ERI1: variants seen among roughly 807,000 people sequenced by gnomAD.
ERI1 encodes the protein exoribonuclease 1, also known as 3'-5' exoribonuclease 1.
In ERI1, 39 loss-of-function variants were observed where a neutral mutation model predicts 39.7. The ratio of observed to expected loss-of-function variants is 0.98; its 90% CI spans 0.76 to 1.28. The LOEUF is 1.28. ERI1 is among the 50% of genes most tolerant of loss of function. The pLI, the probability that ERI1 is intolerant of heterozygous loss-of-function variation, is 0.00. For synonymous variants in ERI1, 204 were observed against 149.6 expected (o/e 1.36, Z -2.65); for missense variants, 581 against 416.9 (o/e 1.39, Z -3.43).
chr8:9,057,842 T>C (rs1798559291), intron 3 of ERI1, among the ~76,000 whole-genome samples: 1 of 152,130 alleles, frequency 6.6e-6, no homozygotes. Flanking sequence ...CCTTGGGAGC[T>C]GCCTGGGGAC....
chr8:9,076,367 A>G (rs7841581), intron 3 of ERI1, among the ~76,000 whole-genome samples: 7,604 of 152,290 alleles, frequency 0.05, 579 homozygotes, highest in African/African-American at 0.16. Flanking sequence ...AATTCCCTAA[A>G]GGAAAGATAT....
intron 6 of ERI1, among the ~76,000 whole-genome samples, chr8:9,021,357 G>T (rs111844097): frequency 2.2e-4 from 34 of 152,154 alleles, no homozygotes; most frequent in Middle Eastern, 3.4e-3. Context: ...AGTTCTTCAG[G>T]CTTCTTTTAA....
At chr8:9,052,662 A>G (rs577696427) in intron 3 of ERI1, among the ~76,000 whole-genome samples, 3 of 152,364 alleles carry the variant, frequency 2.0e-5, no homozygotes, top group South Asian at 2.1e-4. Flanking sequence ...GGAAACTGCA[A>G]TCAAGAGATT....
intron 3 of ERI1, among the ~76,000 whole-genome samples, chr8:9,041,133 G>A (rs1296273495): frequency 6.6e-6 from 1 of 152,228 alleles, no homozygotes; most frequent in Non-Finnish European, 1.5e-5. Flanking sequence ...GGAACAATGA[G>A]CATGACTTTT....
At chr8:9,045,234 T>TGAA (rs1798139290) in intron 3 of ERI1, among the ~76,000 whole-genome samples, 1 of 28,556 alleles carries the variant, frequency 3.5e-5, no homozygotes. Context: ...AGACTCTGTC[T>TGAA]CAAAAAAAAA....
At chr8:9,035,532 A>C (rs118146527), downstream of ERI1, among the ~76,000 whole-genome samples, 1 of 152,160 alleles carries the variant, frequency 6.6e-6, no homozygotes, top group Non-Finnish European at 1.5e-5. Context: ...TGAATATTTG[A>C]AGCCTGCTGT....
chr8:9,027,822 T>C (rs979852194), intron 6 of ERI1, among the ~76,000 whole-genome samples: 3 of 152,210 alleles, frequency 2.0e-5, no homozygotes, highest in South Asian at 4.1e-4. Context: ...TCTATACTAA[T>C]ACCACTCTCT....
intron 3 of ERI1, among the ~76,000 whole-genome samples, chr8:9,088,230 G>A (rs941136949): frequency 6.6e-6 from 1 of 150,952 alleles, no homozygotes; most frequent in African/African-American, 2.4e-5. Flanking sequence ...TTTAACACCA[G>A]TGCATGCATT....
chr8:9,088,127 A>C (rs1799586916), intron 3 of ERI1, among the ~76,000 whole-genome samples: 1 of 152,142 alleles, frequency 6.6e-6, no homozygotes, highest in Non-Finnish European at 1.5e-5. Flanking sequence ...AGGAGACAAA[A>C]TCAGCAGGGT....
rs187845957 is a variant in ERI1 at position 9,049,966 on chromosome 8, T to C, written n.299+29502T>C. ...TCCTCCCTCTGTTGATTCATTTGGC[T>C]AGGATGAGTTCTAGACCTGAACACG... is the stretch of plus-strand genomic sequence containing the variant. On this transcript the variant is annotated intron_variant and non_coding_transcript_variant, in intron 3 of 3. Transcript: ENST00000518663. 657 of 152,276 alleles carry C rather than the reference T, an allele frequency of 4.3e-3. 2 individuals are homozygous for C. Among genetic ancestry groups the C allele is most frequent in the Non-Finnish European group, 7.5e-3 (509 of 68,042 alleles). The allele number at this position is 152,276 out of a possible 1,614,324, so 9.4% of individuals were successfully genotyped here. A position where few individuals can be genotyped will look rare whatever the true frequency, so the allele number is the denominator to read the frequency against.
In ERI1 at chr8:9,023,333, C is replaced by T. The variant is rs759867230; in HGVS notation, c.807+2869C>T. Among the ~76,000 whole-genome samples, 165 of 152,036 alleles carry T rather than the reference C, an allele frequency of 1.1e-3. 1 individual carries two copies. The highest frequency in any genetic ancestry group is 2.2e-3 in the Non-Finnish European group (149 of 68,022). ...TTGTATTTCATGTCAGTTTATACTC[C>T]AGTTGAGAAGCTCGATCCCCTTTAG... On this transcript the variant is annotated intron_variant, in intron 6 of 6. Transcript: ENST00000250263.
chr8:9,009,760 G>A (rs1255013954), intron 2 of ERI1, among the ~76,000 whole-genome samples: 1 of 152,080 alleles, frequency 6.6e-6, no homozygotes, highest in East Asian at 1.9e-4. Context: ...GGCTGGTCTC[G>A]AGCTCCAGCT....
At chr8:9,049,544 TTAAAA>T (rs1400845707) in intron 3 of ERI1, among the ~76,000 whole-genome samples, 1 of 118,756 alleles carries the variant, frequency 8.4e-6, no homozygotes, top group African/African-American at 2.5e-5. Flanking sequence ...AATTTTGACT[TTAAAA>T]AAAAAAGCAT....
At position 9,089,452 on chromosome 8, in the gene ERI1, G is replaced by C. The variant is rs141553521; in HGVS notation, n.300-26896G>C. The stretch of plus-strand genomic sequence containing the variant: ...CTTAAGATTCTTCTTCCTTTTCTGA[G>C]AATGACTTGGACACAAGGGTTTGCA... On this transcript the variant is annotated intron_variant and non_coding_transcript_variant, in intron 3 of 3. Transcript: ENST00000518663. 5.3e-4 allele frequency among the ~76,000 whole-genome samples: 80 copies of C among 152,198 alleles called. No individual in the cohort carries two copies. In the East Asian group the frequency reaches 0.011, roughly 21 times the overall value.
chr8:9,010,218 G>A (rs1007837642), intron 2 of ERI1, among the ~76,000 whole-genome samples: 22 of 152,194 alleles, frequency 1.4e-4, no homozygotes, highest in African/African-American at 5.3e-4. Flanking sequence ...TCTATCCAGA[G>A]CAACTAGTTG....
At chr8:9,017,836 A>G (rs774709249) in intron 4 of ERI1, among the ~76,000 whole-genome samples, 1 of 152,176 alleles carries the variant, frequency 6.6e-6, no homozygotes, top group Non-Finnish European at 1.5e-5. Context: ...TGGTTGGAGG[A>G]TTTAAGTATG....
intron 3 of ERI1, among the ~76,000 whole-genome samples, chr8:9,059,690 C>T (rs1345413710): frequency 2.6e-5 from 4 of 152,102 alleles, no homozygotes; most frequent in Non-Finnish European, 4.4e-5. Flanking sequence ...TTCAGCATAG[C>T]CTTGCCAGCA....
intron 1 of ERI1, among the ~76,000 whole-genome samples, chr8:9,005,424 A>C (rs1304511281): frequency 1.3e-5 from 2 of 152,210 alleles, no homozygotes; most frequent in African/African-American, 2.4e-5. Context: ...TACCCTTCCC[A>C]ATAAGAAGAG....
chr8:9,002,965 G>A lies in ERI1; in HGVS notation c.-99G>A. 1 of 882,140 alleles carries A rather than the reference G, an allele frequency of 1.1e-6. No individual in the cohort carries two copies. Among genetic ancestry groups the A allele is most frequent in the Non-Finnish European group, 1.5e-6 (1 of 665,586 alleles). The allele number at this position is 882,140 out of a possible 1,614,324, so 54.6% of individuals were successfully genotyped here. On this transcript the variant is annotated 5_prime_UTR_variant, in exon 1 of 7. Transcript: ENST00000250263. ...CCGCCGCCGCGGGAACGCGAGCCCGGTAATTTTTCAACGGAGAAAGGCGAG... is the reference window on the plus strand; with the variant it reads ...CCGCCGCCGCGGGAACGCGAGCCCGATAATTTTTCAACGGAGAAAGGCGAG...
Sources: gnomAD v4.1 joint callset for allele counts (sites outside exome capture counted in the v4.1 genomes callset) on GRCh38, gnomAD v4.1.1 for gene constraint, MANE v1.5 for transcripts, NCBI Gene and HGNC (gene_info 2026-07-23, HGNC 2026-07-21) for gene names.